Variants in CTNNA2 observed in about 807,000 individuals in gnomAD.
The protein encoded by CTNNA2 is catenin alpha 2.
In CTNNA2, 42 loss-of-function variants were observed where a neutral mutation model predicts 101.0. That is an observed-to-expected ratio of 0.42 (90% CI 0.32 to 0.54). The LOEUF is 0.54. CTNNA2 is among the 20% of genes least tolerant of loss of function. The pLI is 0.14. For missense variants in CTNNA2, 871 were observed against 1,223.1 expected, an observed-to-expected ratio of 0.71 and a Z score of 4.29; for synonymous variants, 450 against 456.4, an observed-to-expected ratio of 0.99 and a Z score of 0.18.
At position 80,596,471 on chromosome 2, in the gene CTNNA2, G is replaced by A. The variant is rs181149312; in HGVS notation, c.2189+6986G>A. ...ACTACAGGTGCCCGCCACCATGCCC[G>A]GCTAATTTTTTTGTGTGTTTTTAGT... On this transcript the variant is annotated intron_variant, in intron 15 of 18. Transcript: ENST00000402739. Among the ~76,000 whole-genome samples, 334 of 151,072 alleles carry A rather than the reference G, an allele frequency of 2.2e-3. 1 individual carries two copies. The highest frequency in any genetic ancestry group is 4.1e-3 in the Non-Finnish European group (281 of 67,764).
At chr2:80,004,501 T>C (rs1447089598) in intron 7 of CTNNA2, among the ~76,000 whole-genome samples, 1 of 152,110 alleles carries the variant, frequency 6.6e-6, no homozygotes, top group East Asian at 1.9e-4. Flanking sequence ...ACACTCACTA[T>C]GGGCCAGGCA....
intron 7 of CTNNA2, among the ~76,000 whole-genome samples, chr2:80,343,058 T>C (rs1333561500): frequency 6.6e-6 from 1 of 152,166 alleles, no homozygotes; most frequent in Non-Finnish European, 1.5e-5. Flanking sequence ...AAATTTCCCC[T>C]TTTCTATGAG....
At chr2:79,814,934 T>C (rs1485237922) in intron 3 of CTNNA2, among the ~76,000 whole-genome samples, 1 of 152,170 alleles carries the variant, frequency 6.6e-6, no homozygotes, top group East Asian at 1.9e-4. Flanking sequence ...CATGCCAACA[T>C]CTACTGTCTT....
intron 7 of CTNNA2, among the ~76,000 whole-genome samples, chr2:79,983,161 C>A (rs1691509778): frequency 6.7e-6 from 1 of 149,028 alleles, no homozygotes; most frequent in Non-Finnish European, 1.5e-5. Context: ...TTGTATATCA[C>A]ATCTATATTA....
At chr2:80,014,112 C>CATT (rs1400772213) in intron 7 of CTNNA2, among the ~76,000 whole-genome samples, 1 of 152,092 alleles carries the variant, frequency 6.6e-6, no homozygotes, top group Non-Finnish European at 1.5e-5. Flanking sequence ...TGCTAAGTAG[C>CATT]ATTATTATTA....
At chr2:79,551,460 C>A (rs1674095018) in intron 1 of CTNNA2, among the ~76,000 whole-genome samples, 1 of 152,082 alleles carries the variant, frequency 6.6e-6, no homozygotes, top group African/African-American at 2.4e-5. Flanking sequence ...CAGAGTCAAG[C>A]AAGCAGTCAA....
chr2:80,540,648 G>A (rs926367915), intron 9 of CTNNA2, among the ~76,000 whole-genome samples: 1 of 151,868 alleles, frequency 6.6e-6, no homozygotes, highest in African/African-American at 2.4e-5. Context: ...AGTTATCTTG[G>A]ACTGATGTTT....
intron 7 of CTNNA2, among the ~76,000 whole-genome samples, chr2:80,200,210 G>A (rs1326354427): frequency 1.3e-5 from 2 of 152,182 alleles, no homozygotes; most frequent in African/African-American, 4.8e-5. Flanking sequence ...GCCAGACAAT[G>A]TATCATATGT....
At chr2:80,099,920 T>C (rs541102402) in intron 7 of CTNNA2, among the ~76,000 whole-genome samples, 1 of 152,128 alleles carries the variant, frequency 6.6e-6, no homozygotes, top group South Asian at 2.1e-4. Context: ...TCTGTGGCCA[T>C]TGAATCTTTA....
chr2:80,275,272 C>T (rs137920766), intron 7 of CTNNA2, among the ~76,000 whole-genome samples: 100 of 152,306 alleles, frequency 6.6e-4, no homozygotes, highest in African/African-American at 2.0e-3. Flanking sequence ...AATCATCAAC[C>T]TGCTTACTCT....
intron 7 of CTNNA2, among the ~76,000 whole-genome samples, chr2:79,922,973 G>A (rs1686776375): frequency 6.6e-6 from 1 of 151,928 alleles, no homozygotes; most frequent in Non-Finnish European, 1.5e-5. Context: ...TTTCCCTAAT[G>A]TGTATATTTT....
intron 3 of CTNNA2, among the ~76,000 whole-genome samples, chr2:79,839,944 A>C (rs1679677157): frequency 6.6e-6 from 1 of 152,184 alleles, no homozygotes; most frequent in Non-Finnish European, 1.5e-5. Flanking sequence ...CTTATTTGTG[A>C]GAGTCCTGTG....
chr2:79,596,791 T>A (rs987043289), intron 1 of CTNNA2, among the ~76,000 whole-genome samples: 9 of 152,226 alleles, frequency 5.9e-5, no homozygotes, highest in Non-Finnish European at 1.2e-4. Flanking sequence ...CTTAGCTGTA[T>A]GGAAAACATC....
rs570038019 is a variant in CTNNA2 at position 80,558,584 on chromosome 2, G to T, written c.1741+2691G>T. Among the ~76,000 whole-genome samples, 4 of 152,206 alleles carry T rather than the reference G, an allele frequency of 2.6e-5. No homozygotes were observed. The South Asian group carries it at 8.3e-4, about 32-fold the overall frequency. On this transcript the variant is annotated intron_variant, in intron 12 of 18. Transcript: ENST00000402739. ...TATGTCCTCAAAATAGAAACCCTGTGCATGTCCCTGATGCCAAATTATCTA... is the reference window on the plus strand; with the variant it reads ...TATGTCCTCAAAATAGAAACCCTGTTCATGTCCCTGATGCCAAATTATCTA...
At chr2:80,034,696 T>C (rs567373373) in intron 7 of CTNNA2, among the ~76,000 whole-genome samples, 97 of 152,240 alleles carry the variant, frequency 6.4e-4, no homozygotes, top group Non-Finnish European at 1.0e-3. Context: ...TTAAAATACA[T>C]TGAGATACTG....
intron 9 of CTNNA2, among the ~76,000 whole-genome samples, chr2:80,431,358 CT>C (rs1474021978): frequency 1.3e-5 from 2 of 152,142 alleles, no homozygotes; most frequent in African/African-American, 4.8e-5. Context: ...TTTACCCCTA[CT>C]GCTGTGTGTG....
intron 7 of CTNNA2, among the ~76,000 whole-genome samples, chr2:80,306,399 CTTTTCT>C (rs1676970938): frequency 1.1e-5 from 1 of 94,322 alleles, no homozygotes; most frequent in East Asian, 3.1e-4. Flanking sequence ...CTTTTCTTTT[CTTTTCT>C]TTCTTTCTTT....
chr2:79,309,621 G>GTAAGAACC (rs138902944), intron 2 of CTNNA2, among the ~76,000 whole-genome samples: 54,140 of 151,638 alleles, frequency 0.36, 10,146 homozygotes, highest in African/African-American at 0.48. Context: ...CCATATTTGT[G>GTAAGAACC]TAAGATGAGA....
chr2:79,465,110 G>C (rs1670919305), intron 4 of CTNNA2, among the ~76,000 whole-genome samples: 1 of 152,118 alleles, frequency 6.6e-6, no homozygotes, highest in Non-Finnish European at 1.5e-5. Context: ...GGTTTTTATG[G>C]TTTTAGGTCT....
Sources: allele counts gnomAD v4.1 joint callset (sites outside exome capture counted in the v4.1 genomes callset), GRCh38; gene constraint gnomAD v4.1.1; transcripts MANE v1.5; gene names NCBI Gene and HGNC (gene_info 2026-07-23, HGNC 2026-07-21).